Variants in BBIP1 observed in about 807,000 individuals in gnomAD.
BBIP1 encodes the protein BBSome-interacting protein 1.
A neutral mutation model predicts 8.9 loss-of-function variants in BBIP1; 6 were observed. That is an observed-to-expected ratio of 0.67 (90% CI 0.37 to 1.33). BBIP1 has a LOEUF of 1.33. BBIP1 is among the 40% of genes most tolerant of loss of function. The probability of loss-of-function intolerance (pLI) is 0.02; values close to 1 mark genes in which losing one functional copy is unlikely to be tolerated. For synonymous variants in BBIP1, 32 were observed against 33.4 expected (o/e 0.96, Z 0.14); for missense variants, 111 against 109.2 (o/e 1.02, Z -0.07).
At chr10:110,918,518 G>A (rs1486334940) in intron 1 of BBIP1, among the ~76,000 whole-genome samples, 4 of 152,356 alleles carry the variant, frequency 2.6e-5, no homozygotes, top group East Asian at 3.9e-4. Context: ...CCCTCCAAAG[G>A]CCAAGGAGTG....
In BBIP1 at chr10:110,900,528, T is replaced by C; in HGVS notation, c.113-2A>G. ...TTATATCTTCCACAAACAGTGGCCC[T>C]AAGTTTAACAAGAAATAAGAATTAA... is the stretch of plus-strand genomic sequence containing the variant. On this transcript the variant is annotated splice_acceptor_variant, in intron 3 of 3. Coordinates refer to ENST00000448814, the MANE Select transcript of BBIP1 (RefSeq NM_001195305.3). LOFTEE classifies it high-confidence loss of function. 3 of 1,513,068 alleles carry C rather than the reference T, an allele frequency of 2.0e-6. No homozygotes were observed. The highest frequency in any genetic ancestry group is 2.6e-6 in the Non-Finnish European group (3 of 1,137,588). 93.7% of individuals were successfully genotyped at this position (1,513,068 alleles called of 1,614,324 possible).
intron 2 of BBIP1, 91 bp from the exon 3 acceptor site, chr10:110,901,703 A>G (rs1474272072): frequency 1.0e-6 from 1 of 982,134 alleles, no homozygotes; most frequent in Non-Finnish European, 1.6e-6. Context: ...TAAAATCCAA[A>G]TTCCTATAGA....
At chr10:110,916,912 G>T (rs1846418229) in intron 2 of BBIP1, among the ~76,000 whole-genome samples, 1 of 152,208 alleles carries the variant, frequency 6.6e-6, no homozygotes, top group African/African-American at 2.4e-5. Context: ...ATGCTAAGAA[G>T]TGAGATGGAT....
chr10:110,903,942 A>G (rs1885789), intron 2 of BBIP1: 151,871 of 152,332 alleles, frequency 1, 75,705 homozygotes, highest in East Asian at 1. Flanking sequence ...GACATCATTA[A>G]GCAATAGGAA....
At chr10:110,900,617 T>TA in intron 3 of BBIP1, 91 bp from the exon 4 acceptor site, 1 of 1,068,390 alleles carries the variant, frequency 9.4e-7, no homozygotes, top group Middle Eastern at 2.4e-4. Flanking sequence ...TCTAAAAAAT[T>TA]AATCTCTTGT....
intron 3 of BBIP1, chr10:110,901,018 G>T: frequency 2.9e-6 from 1 of 348,834 alleles, no homozygotes; most frequent in Non-Finnish European, 5.6e-6. Flanking sequence ...GGGCATGGTA[G>T]CTCTTACCTG....
At chr10:110,910,190 AAGG>A (rs1204635863) in intron 2 of BBIP1, among the ~76,000 whole-genome samples, 1 of 152,188 alleles carries the variant, frequency 6.6e-6, no homozygotes, top group African/African-American at 2.4e-5. Context: ...CTAGGCAGAG[AAGG>A]AGATGTATAG....
chr10:110,908,294 G>C (rs1004744192), intron 2 of BBIP1: 8 of 152,132 alleles, frequency 5.3e-5, no homozygotes, highest in African/African-American at 1.9e-4. Flanking sequence ...TTGTAGACTT[G>C]GCAAAAATGA....
At chr10:110,917,571 CAGAA>C (rs1178954391) in intron 2 of BBIP1, among the ~76,000 whole-genome samples, 4 of 152,066 alleles carry the variant, frequency 2.6e-5, no homozygotes, top group East Asian at 1.9e-4. Context: ...AAAATCATGT[CAGAA>C]AGACTTCACA....
At chr10:110,901,461 A>G in intron 3 of BBIP1, 77 bp downstream of exon 3, 1 of 992,860 alleles carries the variant, frequency 1.0e-6, no homozygotes, top group Non-Finnish European at 1.5e-6. Flanking sequence ...TTAGCTATTA[A>G]GCCTGCTATG....
chr10:110,907,542 A>AAAGG, intron 2 of BBIP1: 1 of 494,980 alleles, frequency 2.0e-6, no homozygotes, highest in South Asian at 3.4e-5. Flanking sequence ...AAAAGAAAAG[A>AAAGG]AAGAAAAATG....
At chr10:110,919,281 A>C, upstream of BBIP1, 1 of 300,216 alleles carries the variant, frequency 3.3e-6, no homozygotes, top group Non-Finnish European at 6.1e-6. Context: ...CCGATCGGGG[A>C]GTTGTCACTC....
intron 2 of BBIP1, among the ~76,000 whole-genome samples, chr10:110,909,627 A>G (rs1846226788): frequency 6.6e-6 from 1 of 152,252 alleles, no homozygotes; most frequent in Non-Finnish European, 1.5e-5. Flanking sequence ...CATATTTGGG[A>G]AAAGAGCCTA....
chr10:110,913,134 T>C (rs184801512), intron 2 of BBIP1, among the ~76,000 whole-genome samples: 119 of 152,334 alleles, frequency 7.8e-4, no homozygotes, highest in Non-Finnish European at 1.2e-3. Flanking sequence ...ATACTTTAAA[T>C]GGGGTACATG....
chr10:110,901,422 A>C (rs780985419), intron 3 of BBIP1, 116 bp downstream of exon 3: 26 of 719,708 alleles, frequency 3.6e-5, no homozygotes, highest in Non-Finnish European at 6.3e-5. Context: ...AGTAAATGAG[A>C]TAATACGGAA....
intron 2 of BBIP1, chr10:110,902,152 A>G (rs912708166): frequency 6.4e-6 from 1 of 155,148 alleles, no homozygotes; most frequent in Non-Finnish European, 1.4e-5. Context: ...CACAGCTGCA[A>G]TTGGTAACGA....
Position 110,898,966 on chromosome 10 carries a change from C to G in BBIP1, c.*1394G>C, listed in dbSNP as rs1389067216. 3.3e-5 allele frequency: 5 copies of G among 151,454 alleles called. No homozygotes were observed. In the South Asian group the frequency reaches 8.3e-4, roughly 25 times the overall value. 9.4% of individuals were successfully genotyped at this position (151,454 alleles called of 1,614,324 possible). ...TCACTTTACTCCATTGTTATCTGAC[C>G]TAGAGCTTAATTAAGTTTTAGAAAT... is the stretch of plus-strand genomic sequence containing the variant. On this transcript the variant is annotated 3_prime_UTR_variant, in exon 4 of 4. Coordinates refer to ENST00000448814, the MANE Select transcript of BBIP1 (RefSeq NM_001195305.3).
rs760064445 is a variant in BBIP1, at chr10:110,907,683, G to C, written c.38-6071C>G. ...CTGAAAAGTGATTGTTCTTAACCTCGCTTGCTTGTATACCCCTCCGATTGT... is the reference window on the plus strand; with the variant it reads ...CTGAAAAGTGATTGTTCTTAACCTCCCTTGCTTGTATACCCCTCCGATTGT... On this transcript the variant is annotated intron_variant, in intron 2 of 3. Coordinates refer to ENST00000448814, the MANE Select transcript of BBIP1 (RefSeq NM_001195305.3). 138 of 680,998 alleles carry C rather than the reference G, an allele frequency of 2.0e-4. 3 individuals are homozygous for C. The South Asian group carries it at 2.1e-3, about 11-fold the overall frequency. The allele number at this position is 680,998 out of a possible 1,614,324, so 42.2% of individuals were successfully genotyped here.
intron 2 of BBIP1, among the ~76,000 whole-genome samples, chr10:110,909,438 C>T (rs1040759931): frequency 6.6e-6 from 1 of 152,296 alleles, no homozygotes; most frequent in Non-Finnish European, 1.5e-5. Flanking sequence ...TCGTGATCCA[C>T]CCGCCTTGGC....
Sources: allele counts gnomAD v4.1 joint callset (sites outside exome capture counted in the v4.1 genomes callset), GRCh38; gene constraint gnomAD v4.1.1; transcripts MANE v1.5; gene names NCBI Gene and HGNC (gene_info 2026-07-23, HGNC 2026-07-21).